The following RBFOX1 variants were observed in gnomAD, a reference collection of about 807,000 sequenced individuals.
RBFOX1 encodes the protein RNA binding protein fox-1 homolog 1.
RBFOX1 carries 8 observed loss-of-function variants against 57.7 expected under a neutral mutation model. That is an observed-to-expected ratio of 0.14 (90% confidence interval 0.08 to 0.25). RBFOX1 has a LOEUF of 0.25. RBFOX1 is among the 10% of genes least tolerant of loss of function. RBFOX1 has a pLI of 1.00. For synonymous variants in RBFOX1, 326 were observed against 222.4 expected, an observed-to-expected ratio of 1.47 and a Z score of -4.15; for missense variants, 611 against 548.5, an observed-to-expected ratio of 1.11 and a Z score of -1.14.
At chr16:7,655,915 G>A (rs2066190351) in intron 12 of RBFOX1, among the ~76,000 whole-genome samples, 2 of 152,174 alleles carry the variant, frequency 1.3e-5, no homozygotes, top group Non-Finnish European at 2.9e-5. Context: ...TAATGAACAT[G>A]CTCTTTGCTG....
intron 4 of RBFOX1, among the ~76,000 whole-genome samples, chr16:7,398,145 C>T (rs1203561593): frequency 6.6e-6 from 1 of 152,188 alleles, no homozygotes; most frequent in African/African-American, 2.4e-5. Context: ...GAAGGAAATG[C>T]CTCTTTTGGA....
chr16:7,344,485 A>C (rs1205517669), intron 4 of RBFOX1, among the ~76,000 whole-genome samples: 1 of 150,682 alleles, frequency 6.6e-6, no homozygotes, highest in Non-Finnish European at 1.5e-5. Flanking sequence ...ACATAATGCC[A>C]TATAGTTATA....
intron 1 of RBFOX1, among the ~76,000 whole-genome samples, chr16:6,137,143 A>G (rs1028613097): frequency 6.6e-6 from 1 of 152,202 alleles, no homozygotes; most frequent in Non-Finnish European, 1.5e-5. Context: ...AATCTGTTAA[A>G]GCTTCCACAG....
At chr16:5,824,835 A>G (rs141516921) in intron 3 of RBFOX1, among the ~76,000 whole-genome samples, 105 of 152,170 alleles carry the variant, frequency 6.9e-4, no homozygotes, top group African/African-American at 2.4e-3. Flanking sequence ...CCTACTTCCC[A>G]TCCCTGGTTC....
chr16:6,887,890 G>C (rs916681658), intron 3 of RBFOX1, among the ~76,000 whole-genome samples: 1 of 152,102 alleles, frequency 6.6e-6, no homozygotes, highest in African/African-American at 2.4e-5. Flanking sequence ...TCGAACTCCA[G>C]ACTTCAAGTG....
chr16:6,826,525 T>C (rs2092159867), intron 3 of RBFOX1, among the ~76,000 whole-genome samples: 1 of 152,166 alleles, frequency 6.6e-6, no homozygotes, highest in East Asian at 1.9e-4. Flanking sequence ...TAAGTGGCAG[T>C]GTGGGCACAG....
intron 3 of RBFOX1, among the ~76,000 whole-genome samples, chr16:6,982,613 G>A (rs1357015553): frequency 6.6e-6 from 1 of 152,204 alleles, no homozygotes; most frequent in East Asian, 1.9e-4. Context: ...TGTACCAGGA[G>A]CTGAGCAAAG....
intron 3 of RBFOX1, among the ~76,000 whole-genome samples, chr16:6,847,045 C>G (rs951127689): frequency 5.9e-5 from 9 of 152,208 alleles, no homozygotes; most frequent in Non-Finnish European, 1.5e-5. Context: ...AAAATAGATT[C>G]ATTTCTGCCT....
At chr16:5,594,816 G>A (rs555547224) in intron 2 of RBFOX1, among the ~76,000 whole-genome samples, 2 of 151,900 alleles carry the variant, frequency 1.3e-5, no homozygotes, top group South Asian at 2.1e-4. Context: ...ACTTTTACAT[G>A]TCTATGTAAG....
intron 4 of RBFOX1, among the ~76,000 whole-genome samples, chr16:7,452,311 G>T (rs2098874757): frequency 6.6e-6 from 1 of 152,220 alleles, no homozygotes; most frequent in South Asian, 2.1e-4. Context: ...CATCATTGGA[G>T]AATGAGTCAG....
At position 5,597,104 on chromosome 16, in the gene RBFOX1, T is replaced by G. The variant is rs190962215; in HGVS notation, c.259-1798T>G. 4.5e-4 allele frequency among the ~76,000 whole-genome samples: 68 copies of G among 152,256 alleles called. 1 individual carries two copies. Among genetic ancestry groups the G allele is most frequent in the South Asian group, 4.1e-4 (2 of 4,820 alleles). ...AACAGAAATCCCAGAACTCTGTGGG[T>G]GGGTCTGAGTAATTCTTGTGGCTGG... On this transcript the variant is annotated intron_variant, in intron 2 of 2. Transcript: ENST00000585867.
intron 11 of RBFOX1, 94 bp from the exon 12 acceptor site, chr16:7,653,721 T>C (rs2065624466): frequency 1.9e-6 from 3 of 1,556,568 alleles, no homozygotes; most frequent in Non-Finnish European, 2.6e-6. Context: ...TGGGACCCTG[T>C]GCAGGGACAA....
At chr16:6,722,598 A>G (rs2066245646) in intron 3 of RBFOX1, among the ~76,000 whole-genome samples, 1 of 152,232 alleles carries the variant, frequency 6.6e-6, no homozygotes, top group Non-Finnish European at 1.5e-5. Flanking sequence ...CTTTAGAATA[A>G]TCAAGGGGTC....
rs910519597 is a variant in RBFOX1 at position 7,711,597 on chromosome 16, ATTT to A, written c.*857_*859del. 1.3e-5 allele frequency: 2 copies of A among 152,452 alleles called. No homozygotes were observed. The highest frequency in any genetic ancestry group is 2.9e-5 in the Non-Finnish European group (2 of 67,994). 9.4% of individuals were successfully genotyped at this position (152,452 alleles called of 1,614,324 possible). Reference sequence around the variant, plus strand: ...AAGGTGATAAAAAAGCACTGTTTCTATTTTTTTCTTTTTTTCCAAAAAAAGAAA... The same window carrying A: ...AAGGTGATAAAAAAGCACTGTTTCTATTTTCTTTTTTTCCAAAAAAAGAAA... On this transcript the variant is annotated 3_prime_UTR_variant, in exon 16 of 16. Transcript: ENST00000550418.
At chr16:6,274,591 C>G (rs769568126) in intron 1 of RBFOX1, among the ~76,000 whole-genome samples, 7 of 152,124 alleles carry the variant, frequency 4.6e-5, no homozygotes, top group Non-Finnish European at 8.8e-5. Context: ...GATCTTTGTG[C>G]AAATGGAAAA....
At chr16:6,556,585 T>C (rs1474755259) in intron 2 of RBFOX1, among the ~76,000 whole-genome samples, 3 of 152,196 alleles carry the variant, frequency 2.0e-5, no homozygotes, top group Non-Finnish European at 4.4e-5. Flanking sequence ...TCTTGTCATT[T>C]TCCAGATTGA....
rs116774484 is a variant in RBFOX1, at chr16:5,551,050, C to A, written c.259-47852C>A. ...CGCTCAGGGAACTGTGGGGAGGCAACCCTGGGTCCTAAATACCCACTGCAT... is the reference window on the plus strand; with the variant it reads ...CGCTCAGGGAACTGTGGGGAGGCAAACCTGGGTCCTAAATACCCACTGCAT... On this transcript the variant is annotated intron_variant, in intron 2 of 2. Transcript: ENST00000585867. Among the ~76,000 whole-genome samples, 516 of 152,298 alleles carry A rather than the reference C, an allele frequency of 3.4e-3. 4 individuals are homozygous for A. Among genetic ancestry groups the A allele is most frequent in the African/African-American group, 0.012 (497 of 41,552 alleles).
intron 3 of RBFOX1, among the ~76,000 whole-genome samples, chr16:7,015,037 C>G (rs1568375964): frequency 6.6e-6 from 1 of 152,206 alleles, no homozygotes; most frequent in Non-Finnish European, 1.5e-5. Flanking sequence ...TTACCAGGTT[C>G]TATGCTTCCT....
intron 3 of RBFOX1, among the ~76,000 whole-genome samples, chr16:6,847,281 C>T (rs988819115): frequency 6.6e-6 from 1 of 152,132 alleles, no homozygotes; most frequent in Non-Finnish European, 1.5e-5. Flanking sequence ...GTTTGGCTGG[C>T]CCAGACTGTG....
Sources: gnomAD v4.1 joint callset for allele counts (sites outside exome capture counted in the v4.1 genomes callset) on GRCh38, gnomAD v4.1.1 for gene constraint, MANE v1.5 for transcripts, NCBI Gene and HGNC (gene_info 2026-07-23, HGNC 2026-07-21) for gene names.